Variants in EYS observed in about 807,000 individuals in gnomAD.
EYS encodes EGF-like photoreceptor maintenance factor.
In EYS, 250 loss-of-function variants were observed where a neutral mutation model predicts 282.1. The ratio of observed to expected loss-of-function variants is 0.89; its 90% confidence interval spans 0.80 to 0.98. The LOEUF (loss-of-function observed/expected upper bound fraction) is 0.98. Ranked by LOEUF, EYS falls within the 50% of genes least tolerant of loss-of-function variation. The pLI is 0.00. For missense variants in EYS, 4,016 were observed against 3,709.0 expected (o/e 1.08, Z -2.15); for synonymous variants, 1,355 against 1,282.9 (o/e 1.06, Z -1.20).
At position 64,066,371 on chromosome 6, in the gene EYS, A is replaced by G; in HGVS notation, c.6692T>C (p.Ile2231Thr). The G allele has an allele frequency of 6.4e-7, 1 of 1,551,838 alleles. No homozygotes were observed. The highest frequency in any genetic ancestry group is 8.7e-7 in the Non-Finnish European group (1 of 1,146,876). Residue 2231 changes from isoleucine to threonine, a missense_variant, in exon 33 of 43, where the codon ATT (isoleucine) becomes ACT (threonine). Physicochemically the swap from Ile to Thr is moderately conservative, Grantham distance 89 (BLOSUM62 -1). Transcript: ENST00000503581. ...GATAGGGGTGAATGCATTTGTGTTAATGCTGTAATTAGCAGAAACAGTCAA... is the reference window on the plus strand; with the variant it reads ...GATAGGGGTGAATGCATTTGTGTTAGTGCTGTAATTAGCAGAAACAGTCAA... ...NILTVSANYS[I>T]NTNAFTPITI...
At chr6:64,483,956 T>A (rs1776510350) in intron 26 of EYS, among the ~76,000 whole-genome samples, 1 of 151,820 alleles carries the variant, frequency 6.6e-6, no homozygotes, top group South Asian at 2.1e-4. Flanking sequence ...TCAGCTAGTG[T>A]TTGCAACACT....
chr6:64,518,462 T>C (rs111412446), intron 26 of EYS, among the ~76,000 whole-genome samples: 32 of 151,962 alleles, frequency 2.1e-4, no homozygotes, highest in African/African-American at 7.2e-4. Flanking sequence ...GTATGGTATG[T>C]ATATGTACTG....
At chr6:64,006,410 G>A (rs1438779617) in intron 33 of EYS, among the ~76,000 whole-genome samples, 1 of 152,058 alleles carries the variant, frequency 6.6e-6, no homozygotes, top group African/African-American at 2.4e-5. Context: ...GTGTGTTCTA[G>A]GTATAGAATC....
chr6:64,396,460 A>C (rs1456634390), intron 28 of EYS, among the ~76,000 whole-genome samples: 1 of 151,924 alleles, frequency 6.6e-6, no homozygotes, highest in Non-Finnish European at 1.5e-5. Flanking sequence ...GAAGTTTTTC[A>C]TCTTAATTTA....
At position 64,230,698 on chromosome 6, in the gene EYS, A is replaced by G. The variant is rs193261187; in HGVS notation, c.6318T>C (p.Asp2106=). Residue 2106 remains aspartate, a synonymous_variant, in exon 31 of 43, where the codon GAT becomes GAC. Coordinates refer to ENST00000503581, the MANE Select transcript of EYS (RefSeq NM_001142800.2). ...SVAAPSVCQQ[D]VCHNGGTCHA... is the part of the protein sequence containing the mutation. ...GGCATGTGCCTCCATTGTGGCATACATCCTGCTGGCACACAGAGGGTGCTG... is the reference window on the plus strand; with the variant it reads ...GGCATGTGCCTCCATTGTGGCATACGTCCTGCTGGCACACAGAGGGTGCTG... 89 of 1,551,598 alleles carry G rather than the reference A, an allele frequency of 5.7e-5. No individual in the cohort carries two copies. The African/African-American group carries it at 1.1e-3, about 19-fold the overall frequency.
At chr6:64,918,724 T>C (rs991460471) in intron 15 of EYS, among the ~76,000 whole-genome samples, 1 of 152,134 alleles carries the variant, frequency 6.6e-6, no homozygotes, top group Non-Finnish European at 1.5e-5. Flanking sequence ...TCACATTCAC[T>C]ATTGGAAAGA....
At chr6:64,829,396 C>T (rs1765151098) in intron 19 of EYS, among the ~76,000 whole-genome samples, 1 of 151,884 alleles carries the variant, frequency 6.6e-6, no homozygotes, top group Non-Finnish European at 1.5e-5. Flanking sequence ...CTCAGATATC[C>T]AATCTTCCAG....
At position 65,296,264 on chromosome 6, in the gene EYS, TAA is replaced by T. The variant is rs1310254753; in HGVS notation, c.1767-147_1767-146del. On this transcript the variant is annotated intron_variant, in intron 11 of 42. Coordinates refer to ENST00000503581, the MANE Select transcript of EYS (RefSeq NM_001142800.2). ...GGGGTGCATTTAAAAAATATTTTCATAAAGTGTCCATTCTTGGCAAAATTACT... is the reference window on the plus strand; with the variant it reads ...GGGGTGCATTTAAAAAATATTTTCATAGTGTCCATTCTTGGCAAAATTACT... 1.2e-5 allele frequency: 11 copies of T among 904,520 alleles called. 1 individual carries two copies. Among genetic ancestry groups the T allele is most frequent in the Non-Finnish European group, 1.4e-5 (9 of 632,448 alleles). 56.0% of individuals were successfully genotyped at this position (904,520 alleles called of 1,614,324 possible). A position where few individuals can be genotyped will look rare whatever the true frequency, so the allele number is the denominator to read the frequency against.
At chr6:65,621,181 G>A (rs934337331) in intron 2 of EYS, among the ~76,000 whole-genome samples, 15 of 152,036 alleles carry the variant, frequency 9.9e-5, no homozygotes, top group Admixed American at 7.9e-4. Context: ...TTAATGTGTG[G>A]GAGTCTAAGT....
intron 22 of EYS, among the ~76,000 whole-genome samples, chr6:64,684,068 C>T (rs1478863055): frequency 6.6e-6 from 1 of 152,150 alleles, no homozygotes; most frequent in Non-Finnish European, 1.5e-5. Context: ...TTTCTTTTAC[C>T]TTCACCTTCG....
intron 5 of EYS, among the ~76,000 whole-genome samples, chr6:65,443,723 CACATACGTGCAT>C (rs1562187277): frequency 1.8e-5 from 1 of 54,600 alleles, no homozygotes; most frequent in Non-Finnish European, 4.3e-5. Flanking sequence ...CACATATATA[CACATACGTGCAT>C]ATACACATAT....
chr6:63,937,424 A>G (rs1202956661), intron 35 of EYS, among the ~76,000 whole-genome samples: 1 of 111,404 alleles, frequency 9.0e-6, no homozygotes, highest in Non-Finnish European at 1.7e-5. Flanking sequence ...TTTGTTGCCC[A>G]GGCTGGAGTG....
In EYS at chr6:63,721,944, C is replaced by T; in HGVS notation, c.8234-147G>A. On this transcript the variant is annotated intron_variant, in intron 42 of 42. Coordinates refer to ENST00000503581, the MANE Select transcript of EYS (RefSeq NM_001142800.2). The stretch of plus-strand genomic sequence containing the variant: ...CACAATTGTGTTAGTTTTGTTTCCA[C>T]TCACAGAGCAAAATGCATATATCCT... 4 of 716,680 alleles carry T rather than the reference C, an allele frequency of 5.6e-6. No homozygotes were observed. The South Asian group carries it at 7.9e-5, about 14-fold the overall frequency. 44.4% of individuals were successfully genotyped at this position (716,680 alleles called of 1,614,324 possible).
At chr6:64,617,709 T>C (rs753300846) in intron 23 of EYS, among the ~76,000 whole-genome samples, 176 bp from the exon 24 acceptor site, 13 of 152,174 alleles carry the variant, frequency 8.5e-5, no homozygotes, top group Admixed American at 1.3e-4. Context: ...ATTCTATCTC[T>C]ATTTAGTTCA....
intron 41 of EYS, among the ~76,000 whole-genome samples, chr6:63,729,390 A>G (rs897145983): frequency 2.0e-5 from 3 of 152,062 alleles, no homozygotes; most frequent in Non-Finnish European, 2.9e-5. Context: ...GAAACTCATC[A>G]TCAAACTCAA....
chr6:65,585,303 C>T (rs1765007052), intron 2 of EYS, among the ~76,000 whole-genome samples: 1 of 151,848 alleles, frequency 6.6e-6, no homozygotes, highest in Non-Finnish European at 1.5e-5. Flanking sequence ...GTATTCATCT[C>T]TGACAAAGCA....
intron 11 of EYS, among the ~76,000 whole-genome samples, chr6:65,326,935 T>A (rs2076038548): frequency 6.6e-6 from 1 of 151,648 alleles, no homozygotes; most frequent in African/African-American, 2.4e-5. Context: ...TCTAATAAGT[T>A]TTTTAAATCA....
chr6:63,893,303 A>G (rs1240598021), intron 35 of EYS, among the ~76,000 whole-genome samples: 1 of 152,212 alleles, frequency 6.6e-6, no homozygotes, highest in Non-Finnish European at 1.5e-5. Context: ...ACTGATCACA[A>G]TAGCAAAGAC....
intron 12 of EYS, among the ~76,000 whole-genome samples, chr6:65,282,084 G>C (rs1206760708): frequency 2.0e-5 from 3 of 150,472 alleles, no homozygotes; most frequent in Non-Finnish European, 4.5e-5. Context: ...GGATTTGAGT[G>C]GGGGTGGGGG....
Sources: allele counts gnomAD v4.1 joint callset (sites outside exome capture counted in the v4.1 genomes callset), GRCh38; gene constraint gnomAD v4.1.1; transcripts MANE v1.5; gene names NCBI Gene and HGNC (gene_info 2026-07-23, HGNC 2026-07-21).